Variants in SYNPO2 observed in about 807,000 individuals in gnomAD.
SYNPO2 encodes synaptopodin 2, also known as synaptopodin-2.
In SYNPO2, 56 loss-of-function variants were observed where a neutral mutation model predicts 85.0. That is an observed-to-expected ratio of 0.66 (90% CI 0.53 to 0.82). The LOEUF is 0.82. Among genes scored for constraint, SYNPO2 ranks in the 40% least tolerant of loss-of-function variants. SYNPO2 has a pLI of 0.00. For synonymous variants in SYNPO2, 602 were observed against 591.1 expected (o/e 1.02, Z -0.27); for missense variants, 1,575 against 1,534.2 (o/e 1.03, Z -0.44).
At chr4:118,854,541 C>A (rs1318818668) in intron 1 of SYNPO2, among the ~76,000 whole-genome samples, 3 of 152,118 alleles carry the variant, frequency 2.0e-5, no homozygotes, top group Admixed American at 1.3e-4. Flanking sequence ...ACAGCTGATA[C>A]TATTGTTAAA....
At chr4:118,866,805 G>A (rs188109867) in intron 1 of SYNPO2, among the ~76,000 whole-genome samples, 45 of 152,170 alleles carry the variant, frequency 3.0e-4, no homozygotes, top group Middle Eastern at 3.4e-3. Flanking sequence ...CTTCAGCCAC[G>A]ACTGTAGGTT....
chr4:118,994,359 C>T (rs566426383), intron 1 of SYNPO2, among the ~76,000 whole-genome samples: 16 of 152,314 alleles, frequency 1.1e-4, no homozygotes, highest in African/African-American at 3.6e-4. Context: ...GTTTCCTAGG[C>T]GGGTCTCCTG....
intron 1 of SYNPO2, among the ~76,000 whole-genome samples, chr4:118,928,454 T>G (rs1018351691): frequency 2.0e-5 from 3 of 151,896 alleles, no homozygotes; most frequent in Non-Finnish European, 4.4e-5. Context: ...TACTAAACTT[T>G]AAAACTTCTC....
chr4:118,913,682 C>T (rs1282647816), intron 1 of SYNPO2, among the ~76,000 whole-genome samples: 3 of 151,642 alleles, frequency 2.0e-5, no homozygotes, highest in African/African-American at 7.3e-5. Context: ...GTCTTTGTGT[C>T]AGGGTCGCAG....
intron 1 of SYNPO2, among the ~76,000 whole-genome samples, chr4:118,911,446 T>G (rs1421594319): frequency 6.6e-6 from 1 of 152,194 alleles, no homozygotes; most frequent in Non-Finnish European, 1.5e-5. Context: ...CACCATTTGT[T>G]TTTCTATTCA....
intron 1 of SYNPO2, among the ~76,000 whole-genome samples, chr4:118,869,192 G>T (rs1731755882): frequency 6.6e-6 from 1 of 152,104 alleles, no homozygotes; most frequent in South Asian, 2.1e-4. Flanking sequence ...AAGTAGCTGG[G>T]ATTACAGGCA....
chr4:118,939,732 C>G (rs1212009167), intron 1 of SYNPO2, among the ~76,000 whole-genome samples: 5 of 152,144 alleles, frequency 3.3e-5, no homozygotes, highest in Admixed American at 2.0e-4. Flanking sequence ...TGCACATAAT[C>G]TTCACTTTAA....
At chr4:119,008,803 ATATT>A (rs1193365498) in intron 1 of SYNPO2, among the ~76,000 whole-genome samples, 2 of 152,112 alleles carry the variant, frequency 1.3e-5, no homozygotes, top group African/African-American at 4.8e-5. Flanking sequence ...ACATTTTAAT[ATATT>A]TATGTGCCAT....
At chr4:118,856,442 T>C (rs574670424) in intron 1 of SYNPO2, among the ~76,000 whole-genome samples, 1 of 152,354 alleles carries the variant, frequency 6.6e-6, no homozygotes, top group African/African-American at 2.4e-5. Context: ...AACTTCGCAC[T>C]AAGCCATGGT....
chr4:118,864,098 A>T (rs1025177700), intron 1 of SYNPO2, among the ~76,000 whole-genome samples: 23 of 152,162 alleles, frequency 1.5e-4, no homozygotes, highest in African/African-American at 5.6e-4. Flanking sequence ...TATAGCTATA[A>T]ACTTTCCTCT....
At chr4:119,050,582 A>G (rs1005760005) in intron 4 of SYNPO2, among the ~76,000 whole-genome samples, 1 of 152,226 alleles carries the variant, frequency 6.6e-6, no homozygotes, top group African/African-American at 2.4e-5. Context: ...TAAAGAAATC[A>G]GCCCCCACTG....
chr4:118,977,341 G>A (rs781015037), intron 1 of SYNPO2, among the ~76,000 whole-genome samples: 1 of 152,210 alleles, frequency 6.6e-6, no homozygotes, highest in Non-Finnish European at 1.5e-5. Flanking sequence ...CAGCTGCTCC[G>A]AGTGCGGGGC....
chr4:118,918,965 A>C (rs757981045), intron 1 of SYNPO2, among the ~76,000 whole-genome samples: 3 of 152,230 alleles, frequency 2.0e-5, no homozygotes, highest in Non-Finnish European at 4.4e-5. Context: ...AACCAGACAG[A>C]ATATGCTAAA....
At chr4:118,850,774 A>G in exon 1 of SYNPO2, 3 of 398,674 alleles carry the variant, frequency 7.5e-6, no homozygotes, top group Non-Finnish European at 1.3e-5. Context: ...GCAACTCGGA[A>G]GCGAAGCTCC....
rs551461053 is a variant in SYNPO2, at chr4:118,865,984, A to G, written c.12+15044A>G. ...ACCCAGGAGAGTGAAGCTGATTCAC[A>G]ACACTTCATGTGTAGAATTTAATAG... On this transcript the variant is annotated intron_variant, in intron 1 of 4. Coordinates refer to the SYNPO2 transcript ENST00000610556. Among the ~76,000 whole-genome samples the G allele has an allele frequency of 4.6e-5, 7 of 152,324 alleles. No individual in the cohort carries two copies. In the South Asian group the frequency reaches 8.3e-4, roughly 18 times the overall value.
At chr4:119,023,745 A>G (rs74565701) in intron 2 of SYNPO2, among the ~76,000 whole-genome samples, 164 bp downstream of exon 2, 20,381 of 152,222 alleles carry the variant, frequency 0.13, 1,744 homozygotes, top group Middle Eastern at 0.22. Flanking sequence ...AAAATAGTCA[A>G]TTCTAGTCAA....
intron 1 of SYNPO2, among the ~76,000 whole-genome samples, chr4:119,019,610 C>A (rs1298425390): frequency 6.6e-6 from 1 of 152,132 alleles, no homozygotes; most frequent in South Asian, 2.1e-4. Context: ...TTCTTGAGCA[C>A]CTCTTTGAGC....
At chr4:118,888,843 GC>G (rs1732261512), upstream of SYNPO2, 7 of 618,504 alleles carry the variant, frequency 1.1e-5, no homozygotes, top group South Asian at 1.3e-4. Flanking sequence ...TTGAGAATGA[GC>G]CCATTAGCCG....
chr4:118,851,472 A>G (rs920898214), intron 1 of SYNPO2, among the ~76,000 whole-genome samples: 1 of 152,004 alleles, frequency 6.6e-6, no homozygotes, highest in Non-Finnish European at 1.5e-5. Context: ...GGGCAACAAG[A>G]GCAAAACTCC....
Sources: allele counts gnomAD v4.1 joint callset (sites outside exome capture counted in the v4.1 genomes callset), GRCh38; gene constraint gnomAD v4.1.1; transcripts MANE v1.5; gene names NCBI Gene and HGNC (gene_info 2026-07-23, HGNC 2026-07-21).